Variants in ATP8A1 observed in about 807,000 individuals in gnomAD.
ATP8A1 encodes ATPase phospholipid transporting 8A1, also known as phospholipid-transporting ATPase IA.
Under a neutral mutation model 177.7 loss-of-function variants are expected in ATP8A1, and 90 were observed. The ratio of observed to expected loss-of-function variants is 0.51; its 90% CI spans 0.43 to 0.60. The LOEUF (loss-of-function observed/expected upper bound fraction) is 0.60, where lower values mean the gene tolerates loss of function less well. ATP8A1 is among the 20% of genes least tolerant of loss of function. The pLI is 0.00. For synonymous variants in ATP8A1, 493 were observed against 485.9 expected, an observed-to-expected ratio of 1.01 and a Z score of -0.19; for missense variants, 1,072 against 1,392.8, an observed-to-expected ratio of 0.77 and a Z score of 3.67.
At chr4:42,468,460 CACATACACAT>C in intron 25 of ATP8A1, among the ~76,000 whole-genome samples, 1 of 151,206 alleles carries the variant, frequency 6.6e-6, no homozygotes, top group Non-Finnish European at 1.5e-5. Context: ...CACAGACACA[CACATACACAT>C]ATATGAATGA....
chr4:42,586,344 C>A lies in ATP8A1; in HGVS notation c.722+5G>T. ...TGTGTTTTTATAAAGACGGATTTTA[C>A]ATACCCATGTCCATCAAGCCTTATG... On this transcript the variant is annotated splice_donor_5th_base_variant and intron_variant, in intron 9 of 36. Coordinates refer to ENST00000381668, the MANE Select transcript of ATP8A1 (RefSeq NM_006095.2). 1 of 1,613,376 alleles carries A rather than the reference C, an allele frequency of 6.2e-7. No homozygotes were observed. Among genetic ancestry groups the A allele is most frequent in the East Asian group, 2.2e-5 (1 of 44,848 alleles).
chr4:42,445,057 T>G (rs541806757), intron 31 of ATP8A1, among the ~76,000 whole-genome samples: 1 of 152,374 alleles, frequency 6.6e-6, no homozygotes, highest in South Asian at 2.1e-4. Context: ...CAAATTTTAA[T>G]GAATAAAATA....
intron 24 of ATP8A1, among the ~76,000 whole-genome samples, chr4:42,494,857 G>T (rs1489350630): frequency 6.6e-6 from 1 of 152,124 alleles, no homozygotes; most frequent in African/African-American, 2.4e-5. Context: ...GACACCCAGG[G>T]TTTGTTTTGC....
chr4:42,422,701 C>A, intron 35 of ATP8A1, 106 bp downstream of exon 35: 1 of 852,256 alleles, frequency 1.2e-6, no homozygotes, highest in Non-Finnish European at 1.8e-6. Context: ...AATGACACTG[C>A]CAGCTTGATG....
In ATP8A1 at chr4:42,578,258, A is replaced by G; in HGVS notation, c.1128+2T>C. The G allele has an allele frequency of 1.3e-6, 2 of 1,590,978 alleles. No individual in the cohort carries two copies. The highest frequency in any genetic ancestry group is 1.7e-6 in the Non-Finnish European group (2 of 1,170,052). On this transcript the variant is annotated splice_donor_variant, in intron 12 of 36. Transcript: ENST00000381668. LOFTEE classifies it high-confidence loss of function. ...GTGATAACAATCATAATTCATATTT[A>G]CCCAATTTATGAAGTATGCCTGGGT...
intron 3 of ATP8A1, 83 bp downstream of exon 3, chr4:42,625,531 T>C: frequency 1.2e-6 from 1 of 861,072 alleles, no homozygotes; most frequent in African/African-American, 1.8e-5. Flanking sequence ...TCTCGGCATT[T>C]ACATAAACCT....
chr4:42,485,779 G>T, intron 24 of ATP8A1, 111 bp from the exon 25 acceptor site: 2 of 883,468 alleles, frequency 2.3e-6, no homozygotes, highest in Non-Finnish European at 3.4e-6. Context: ...TGCTTTTTAT[G>T]TTTCAAATTG....
At chr4:42,615,202 C>A (rs1214268118) in intron 5 of ATP8A1, among the ~76,000 whole-genome samples, 1 of 152,098 alleles carries the variant, frequency 6.6e-6, no homozygotes, top group African/African-American at 2.4e-5. Flanking sequence ...GTAAATATAT[C>A]ATCCTTAAAT....
intron 1 of ATP8A1, among the ~76,000 whole-genome samples, chr4:42,655,570 A>C (rs1191930070): frequency 1.3e-5 from 2 of 152,256 alleles, no homozygotes; most frequent in Non-Finnish European, 2.9e-5. Context: ...TCAACTGTGT[A>C]TGTAAAACTA....
intron 5 of ATP8A1, among the ~76,000 whole-genome samples, chr4:42,602,209 T>C (rs1343070379): frequency 1.3e-5 from 2 of 152,184 alleles, no homozygotes; most frequent in Non-Finnish European, 2.9e-5. Flanking sequence ...TTTACAGTGC[T>C]TAAACAGTTA....
chr4:42,528,086 G>C (rs1292646109), intron 20 of ATP8A1, among the ~76,000 whole-genome samples: 2 of 152,130 alleles, frequency 1.3e-5, no homozygotes, highest in South Asian at 2.1e-4. Context: ...TTAAAATAGG[G>C]GTTTATGGTG....
chr4:42,541,166 TAAA>T (rs1239115186), intron 20 of ATP8A1, among the ~76,000 whole-genome samples: 1 of 151,596 alleles, frequency 6.6e-6, no homozygotes, highest in African/African-American at 2.4e-5. Flanking sequence ...ATTAAAAAAA[TAAA>T]AAAGTAACTA....
chr4:42,564,431 G>A (rs1731156860), intron 15 of ATP8A1, among the ~76,000 whole-genome samples: 1 of 152,222 alleles, frequency 6.6e-6, no homozygotes, highest in Non-Finnish European at 1.5e-5. Context: ...AGAGCTACAG[G>A]GGTGGAGCTG....
intron 19 of ATP8A1, among the ~76,000 whole-genome samples, chr4:42,547,829 A>G (rs767868292): frequency 5.9e-5 from 9 of 152,236 alleles, no homozygotes; most frequent in Non-Finnish European, 1.2e-4. Flanking sequence ...GTTGGCACAG[A>G]AAGAGAAATG....
intron 35 of ATP8A1, among the ~76,000 whole-genome samples, chr4:42,416,016 A>T (rs538583292): frequency 1.3e-5 from 2 of 152,368 alleles, no homozygotes; most frequent in South Asian, 2.1e-4. Context: ...AAGGCAAGAA[A>T]ACTAATTAAT....
At chr4:42,622,192 A>G (rs972626196) in intron 4 of ATP8A1, among the ~76,000 whole-genome samples, 1 of 151,008 alleles carries the variant, frequency 6.6e-6, no homozygotes, top group Non-Finnish European at 1.5e-5. Flanking sequence ...CCTGGCCAAC[A>G]TGGCAAAACC....
At chr4:42,507,465 C>T (rs1170305706) in intron 22 of ATP8A1, among the ~76,000 whole-genome samples, 1 of 151,788 alleles carries the variant, frequency 6.6e-6, no homozygotes, top group Non-Finnish European at 1.5e-5. Flanking sequence ...CGGTGGCTCA[C>T]GCCTGTAATC....
At position 42,412,976 on chromosome 4, in the gene ATP8A1, A is replaced by G; in HGVS notation, c.3435T>C (p.Val1145=). Residue 1145 remains valine (V), a synonymous_variant, in exon 37 of 37, where the codon GTT becomes GTC. Transcript: ENST00000381668. ...YAFSQDENGI[V]SQSEVIRAYD... is the part of the protein sequence containing the mutation. ...ATGCTCTTATCACTTCAGACTGTGA[A>G]ACGATTCCATTTTCATCTTGAGAGA... The G allele has an allele frequency of 6.2e-7, 1 of 1,613,490 alleles. No individual in the cohort carries two copies. Among genetic ancestry groups the G allele is most frequent in the South Asian group, 1.1e-5 (1 of 91,060 alleles).
intron 27 of ATP8A1, among the ~76,000 whole-genome samples, chr4:42,461,331 C>A (rs1041454209): frequency 6.6e-6 from 1 of 150,654 alleles, no homozygotes; most frequent in Admixed American, 6.6e-5. Flanking sequence ...TGTCCCCAGC[C>A]AAATCTCATC....
Sources: gnomAD v4.1 joint callset for allele counts (sites outside exome capture counted in the v4.1 genomes callset) on GRCh38, gnomAD v4.1.1 for gene constraint, MANE v1.5 for transcripts, NCBI Gene and HGNC (gene_info 2026-07-23, HGNC 2026-07-21) for gene names.